KAT6A: variants seen among roughly 807,000 people sequenced by gnomAD.
KAT6A encodes the protein histone acetyltransferase KAT6A.
KAT6A carries 9 observed loss-of-function variants against 198.4 expected under a neutral mutation model. The ratio of observed to expected loss-of-function variants is 0.05; its 90% CI spans 0.03 to 0.08. The LOEUF is 0.08. Among genes scored for constraint, KAT6A ranks in the 10% least tolerant of loss-of-function variants. The pLI, the probability that KAT6A is intolerant of heterozygous loss-of-function variation, is 1.00. For synonymous variants in KAT6A, 890 were observed against 883.0 expected (o/e 1.01, Z -0.14); for missense variants, 2,077 against 2,509.9 (o/e 0.83, Z 3.69).
At chr8:42,025,419 G>C (rs887629840) in intron 2 of KAT6A, among the ~76,000 whole-genome samples, 1 of 109,952 alleles carries the variant, frequency 9.1e-6, no homozygotes, top group African/African-American at 4.3e-5. Context: ...CGCCATGTTG[G>C]GTAGGCTGGT....
rs886727961 is a variant in KAT6A, at chr8:41,930,236, T to C, written c.*1969A>G. 2 of 201,680 alleles carry C rather than the reference T, an allele frequency of 9.9e-6. No homozygotes were observed. The highest frequency in any genetic ancestry group is 7.4e-5 in the East Asian group (1 of 13,516). 12.5% of individuals were successfully genotyped at this position (201,680 alleles called of 1,614,324 possible). On this transcript the variant is annotated 3_prime_UTR_variant, in exon 17 of 17. Transcript: ENST00000265713. ...GCCTTGACCCACCCTCCTCCCAATA[T>C]ACCTCCCTCCCGACCCACCCCGTCC...
chr8:41,946,471 C>A (rs1822391354), intron 12 of KAT6A, 120 bp downstream of exon 12: 1 of 519,986 alleles, frequency 1.9e-6, no homozygotes, highest in Non-Finnish European at 3.3e-6. Context: ...AAAGCACCTA[C>A]AAATCTTTAA....
chr8:41,971,178 A>G (rs561833489), intron 8 of KAT6A, among the ~76,000 whole-genome samples: 6 of 152,018 alleles, frequency 3.9e-5, no homozygotes, highest in South Asian at 4.2e-4. Context: ...CATATACGTA[A>G]CAAACCTGCA....
intron 2 of KAT6A, among the ~76,000 whole-genome samples, chr8:42,005,763 TAC>T (rs142174569): frequency 0.054 from 7,717 of 141,884 alleles, 270 homozygotes; most frequent in East Asian, 0.13. Flanking sequence ...TGCAAGCAAA[TAC>T]ACACACACAC....
intron 2 of KAT6A, among the ~76,000 whole-genome samples, chr8:42,019,329 T>A (rs1165651190): frequency 2.0e-5 from 3 of 152,152 alleles, no homozygotes. Flanking sequence ...CTCAATTTCC[T>A]TCAGTACATT....
chr8:41,975,715 T>C (rs1824018519), intron 7 of KAT6A, among the ~76,000 whole-genome samples: 2 of 152,130 alleles, frequency 1.3e-5, no homozygotes, highest in South Asian at 4.1e-4. Flanking sequence ...AACTTTATAA[T>C]TCATAAAGAA....
chr8:42,004,536 T>C (rs935808975), intron 2 of KAT6A, among the ~76,000 whole-genome samples: 4 of 152,174 alleles, frequency 2.6e-5, no homozygotes, highest in South Asian at 2.1e-4. Context: ...AACCCCAACT[T>C]TCAAGATCCT....
intron 9 of KAT6A, among the ~76,000 whole-genome samples, chr8:41,953,663 AG>A (rs1822777177): frequency 6.6e-6 from 1 of 152,044 alleles, no homozygotes; most frequent in Non-Finnish European, 1.5e-5. Context: ...TAGTAGAGAC[AG>A]GGTTTCGCCA....
rs1180965021 is a variant in KAT6A at position 41,934,220 on chromosome 8, C to T, written c.4000G>A (p.Glu1334Lys). 6 of 1,614,150 alleles carry T rather than the reference C, an allele frequency of 3.7e-6. No individual in the cohort carries two copies. Among genetic ancestry groups the T allele is most frequent in the Middle Eastern group, 3.3e-4 (2 of 6,062 alleles). ...LESTKKKELE[E>K]QPTREDVKEE... is the part of the protein sequence containing the mutation. The stretch of plus-strand genomic sequence containing the variant: ...TTGACATCTTCCCTCGTGGGCTGTT[C>T]CTCTAGCTCCTTTTTCTTTGTGGAC... Residue 1334 changes from glutamate (E) to lysine (K), a missense_variant, in exon 17 of 17, where the codon GAA becomes AAA. Transcript: ENST00000265713.
At position 41,934,275 on chromosome 8, in the gene KAT6A, G is replaced by C; in HGVS notation, c.3945C>G (p.Asp1315Glu). The C allele has an allele frequency of 1.2e-6, 2 of 1,613,938 alleles. No homozygotes were observed. The highest frequency in any genetic ancestry group is 2.7e-5 in the African/African-American group (2 of 74,946). ...GGTGGCCATCATCCTCATCATCAGC[G>C]TCGTGGTCGTCATTCTGGGCAGTCT... is the stretch of plus-strand genomic sequence containing the variant. Reference protein sequence around the residue: ...AAETAQNDDHDADDEDDGHLE... With the variant: ...AAETAQNDDHEADDEDDGHLE... Residue 1315 changes from aspartate (D) to glutamate (E), a missense_variant, in exon 17 of 17, where the codon GAC (aspartate) becomes GAG (glutamate). Asp to Glu is a conservative substitution (Grantham distance 45). Around this residue, in one of 13 missense-constraint regions of KAT6A, gnomAD observed 375 missense variants for 383.0 expected, o/e 0.98. Transcript: ENST00000265713.
chr8:42,000,447 A>C (rs1213268803), intron 2 of KAT6A, among the ~76,000 whole-genome samples: 1 of 152,020 alleles, frequency 6.6e-6, no homozygotes, highest in Non-Finnish European at 1.5e-5. Context: ...GCTACTCTAG[A>C]GGCTGAGGCA....
chr8:42,040,713 T>A (rs1418072816), intron 2 of KAT6A, among the ~76,000 whole-genome samples: 2 of 100,276 alleles, frequency 2.0e-5, no homozygotes, highest in African/African-American at 8.4e-5. Context: ...CCAGCCTAAG[T>A]GACAAGAGCA....
At chr8:41,942,462 A>T (rs550885589) in intron 14 of KAT6A, 59 of 327,606 alleles carry the variant, frequency 1.8e-4, no homozygotes, top group South Asian at 5.8e-4. Context: ...TCATTTTTAA[A>T]AACTGTCAGA....
chr8:42,037,116 A>C (rs908250502), intron 2 of KAT6A, among the ~76,000 whole-genome samples: 1 of 152,184 alleles, frequency 6.6e-6, no homozygotes, highest in Non-Finnish European at 1.5e-5. Context: ...AATAAAAAAA[A>C]CTGAAACCTG....
At position 41,931,486 on chromosome 8, in the gene KAT6A, A is replaced by G; in HGVS notation, c.*719T>C. 4.8e-6 allele frequency: 1 copy of G among 208,016 alleles called. No individual in the cohort carries two copies. The highest frequency in any genetic ancestry group is 7.2e-5 in the East Asian group (1 of 13,800). 12.9% of individuals were successfully genotyped at this position (208,016 alleles called of 1,614,324 possible). ...TTTTAAAAAAGAAGAAAAAAATTAT[A>G]TTACACTTGATTCAAGAACAACAAA... is the stretch of plus-strand genomic sequence containing the variant. On this transcript the variant is annotated 3_prime_UTR_variant, in exon 17 of 17. Coordinates refer to ENST00000265713, the MANE Select transcript of KAT6A (RefSeq NM_006766.5).
At chr8:42,000,821 T>C (rs763187160) in intron 2 of KAT6A, among the ~76,000 whole-genome samples, 7 of 152,170 alleles carry the variant, frequency 4.6e-5, no homozygotes, top group Non-Finnish European at 1.0e-4. Flanking sequence ...AAAATCATTA[T>C]ACGCTCCTCA....
chr8:41,961,433 G>A (rs1564024700), intron 8 of KAT6A, among the ~76,000 whole-genome samples: 1 of 152,166 alleles, frequency 6.6e-6, no homozygotes, highest in African/African-American at 2.4e-5. Context: ...CATACAAACA[G>A]CTGTTATTCA....
chr8:42,003,916 G>A (rs139944664), intron 2 of KAT6A, among the ~76,000 whole-genome samples: 36 of 152,246 alleles, frequency 2.4e-4, no homozygotes, highest in African/African-American at 6.5e-4. Flanking sequence ...TAACCTTGCC[G>A]GTGCCTTGAT....
At chr8:41,947,684 G>A (rs551158621) in intron 11 of KAT6A, 67 bp downstream of exon 11, 17 of 1,323,830 alleles carry the variant, frequency 1.3e-5, no homozygotes, top group Non-Finnish European at 1.8e-5. Flanking sequence ...GTCCCCGAGT[G>A]AGAACCAGCA....
Sources: gnomAD v4.1 joint callset for allele counts (sites outside exome capture counted in the v4.1 genomes callset) on GRCh38, gnomAD v4.1.1 for gene constraint, gnomAD v4.1.1 regional missense constraint, MANE v1.5 for transcripts, NCBI Gene and HGNC (gene_info 2026-07-23, HGNC 2026-07-21) for gene names.